ASZ1: variants seen among roughly 807,000 people sequenced by gnomAD.
The protein encoded by ASZ1 is ankyrin repeat, SAM and basic leucine zipper domain containing 1.
ASZ1 carries 67 observed loss-of-function variants against 61.8 expected under a neutral mutation model. That is an observed-to-expected ratio of 1.08 (90% CI 0.89 to 1.33). ASZ1 has a LOEUF of 1.33. Ranked by LOEUF, ASZ1 falls within the 40% of genes most tolerant of loss-of-function variation. ASZ1 has a pLI of 0.00. For missense variants in ASZ1, 577 were observed against 554.5 expected, an observed-to-expected ratio of 1.04 and a Z score of -0.41; for synonymous variants, 193 against 192.7, an observed-to-expected ratio of 1.00 and a Z score of -0.01.
At chr7:117,364,439 G>C (rs1237056605) in intron 12 of ASZ1, among the ~76,000 whole-genome samples, 1 of 151,866 alleles carries the variant, frequency 6.6e-6, no homozygotes, top group Non-Finnish European at 1.5e-5. Context: ...GAGAGAGAGA[G>C]AGAGAAGGGG....
At chr7:117,426,715 G>A (rs944275167) in intron 2 of ASZ1, 121 bp downstream of exon 2, 1 of 895,476 alleles carries the variant, frequency 1.1e-6, no homozygotes, top group Non-Finnish European at 1.7e-6. Flanking sequence ...AGATTATGCA[G>A]GATGATACAT....
At chr7:117,368,564 T>C in intron 11 of ASZ1, 48 bp downstream of exon 11, 1 of 1,589,604 alleles carries the variant, frequency 6.3e-7, no homozygotes, top group South Asian at 1.2e-5. Context: ...ATCTGGAATG[T>C]TCTTCAGTGT....
At position 117,388,325 on chromosome 7, in the gene ASZ1, T is replaced by G. The variant is rs1053701506; in HGVS notation, c.441-2516A>C. On this transcript the variant is annotated intron_variant, in intron 4 of 12. Transcript: ENST00000284629. Reference sequence around the variant, plus strand: ...TCATTCTATGAAGCAAAATTACTCTTATACCAAAACCAGAGGGTGCCATTA... The same window carrying G: ...TCATTCTATGAAGCAAAATTACTCTGATACCAAAACCAGAGGGTGCCATTA... Among the ~76,000 whole-genome samples, 3 of 152,116 alleles carry G rather than the reference T, an allele frequency of 2.0e-5. No individual in the cohort carries two copies. The East Asian group carries it at 5.8e-4, about 29-fold the overall frequency.
intron 4 of ASZ1, among the ~76,000 whole-genome samples, chr7:117,396,896 T>A (rs1295432224): frequency 6.6e-6 from 1 of 152,014 alleles, no homozygotes. Context: ...AGCCTAACAC[T>A]TTTTTTGGAA....
intron 10 of ASZ1, among the ~76,000 whole-genome samples, chr7:117,375,678 C>A (rs1584719444): frequency 6.6e-6 from 1 of 151,988 alleles, no homozygotes; most frequent in South Asian, 2.1e-4. Flanking sequence ...ACAGAAAAAT[C>A]TCCAAACATG....
chr7:117,391,530 C>T (rs1047448624), intron 4 of ASZ1, among the ~76,000 whole-genome samples: 4 of 152,094 alleles, frequency 2.6e-5, no homozygotes, highest in African/African-American at 7.2e-5. Context: ...TGTGGGTATC[C>T]GGTTTTCCCA....
At chr7:117,385,556 C>CT (rs2116474596) in intron 5 of ASZ1, 142 bp downstream of exon 5, 1 of 700,678 alleles carries the variant, frequency 1.4e-6, no homozygotes, top group Non-Finnish European at 2.4e-6. Flanking sequence ...TCACCATACC[C>CT]TTCTATTTCA....
At chr7:117,418,952 C>A (rs1425442266) in intron 4 of ASZ1, among the ~76,000 whole-genome samples, 3 of 152,054 alleles carry the variant, frequency 2.0e-5, no homozygotes, top group African/African-American at 7.2e-5. Flanking sequence ...CAGAGCAAGA[C>A]CCTGTCTTAA....
At chr7:117,384,248 A>G (rs1257690236) in intron 6 of ASZ1, among the ~76,000 whole-genome samples, 1 of 152,120 alleles carries the variant, frequency 6.6e-6, no homozygotes, top group Non-Finnish European at 1.5e-5. Context: ...CAGATTATAC[A>G]TCCAGGTATA....
At chr7:117,388,839 C>A (rs1004337562) in intron 4 of ASZ1, among the ~76,000 whole-genome samples, 1 of 151,998 alleles carries the variant, frequency 6.6e-6, no homozygotes, top group Non-Finnish European at 1.5e-5. Flanking sequence ...GGAAAAAAAG[C>A]AAAATTGTCT....
At chr7:117,421,058 A>T (rs1459725259) in intron 3 of ASZ1, among the ~76,000 whole-genome samples, 1 of 152,186 alleles carries the variant, frequency 6.6e-6, no homozygotes, top group East Asian at 1.9e-4. Context: ...CACATAAAAA[A>T]CTCATGTGTA....
At chr7:117,420,340 C>A in intron 3 of ASZ1, 66 bp from the exon 4 acceptor site, 9 of 1,112,928 alleles carry the variant, frequency 8.1e-6, no homozygotes, top group Non-Finnish European at 1.2e-5. Context: ...ATGTCTTTAC[C>A]ACTCAAAACA....
At chr7:117,399,826 T>G (rs1006157343) in intron 4 of ASZ1, among the ~76,000 whole-genome samples, 1 of 152,066 alleles carries the variant, frequency 6.6e-6, no homozygotes, top group African/African-American at 2.4e-5. Flanking sequence ...AACCATTGAA[T>G]TCTACACTTT....
rs758604779 is a variant in ASZ1, at chr7:117,381,087, G to T, written c.889-20C>A. ...CCTTTCCTGTATAAAAGGAAAAAAA[G>T]GCCACCTTTCCATATAATTAAAATA... On this transcript the variant is annotated intron_variant, in intron 8 of 12. Transcript: ENST00000284629. The T allele has an allele frequency of 4.6e-6, 7 of 1,531,864 alleles. No homozygotes were observed. Among genetic ancestry groups the T allele is most frequent in the Non-Finnish European group, 5.3e-6 (6 of 1,131,080 alleles). The allele number at this position is 1,531,864 out of a possible 1,614,324, so 94.9% of individuals were successfully genotyped here. A position where few individuals can be genotyped will look rare whatever the true frequency, so the allele number is the denominator to read the frequency against.
At chr7:117,363,823 TATC>T (rs1795877815) in intron 12 of ASZ1, 75 bp from the exon 13 acceptor site, 8 of 1,159,422 alleles carry the variant, frequency 6.9e-6, no homozygotes, top group East Asian at 2.9e-5. Context: ...TTTTAAAAAA[TATC>T]ATAATATCCA....
intron 5 of ASZ1, 53 bp from the exon 6 acceptor site, chr7:117,384,913 C>A: frequency 4.1e-6 from 6 of 1,452,728 alleles, no homozygotes; most frequent in East Asian, 2.5e-5. Context: ...GTATATGAGA[C>A]AGACAGGAAA....
intron 4 of ASZ1, among the ~76,000 whole-genome samples, chr7:117,416,043 T>C (rs1272347155): frequency 6.6e-6 from 1 of 151,964 alleles, no homozygotes; most frequent in Non-Finnish European, 1.5e-5. Context: ...ATACCAAAAT[T>C]AGCTAGGAGT....
At chr7:117,399,856 T>C (rs1290970798) in intron 4 of ASZ1, among the ~76,000 whole-genome samples, 1 of 152,202 alleles carries the variant, frequency 6.6e-6, no homozygotes, top group Non-Finnish European at 1.5e-5. Flanking sequence ...AATATGTAAT[T>C]GTATTTCAAT....
intron 10 of ASZ1, among the ~76,000 whole-genome samples, chr7:117,374,815 T>C (rs1796108346): frequency 6.6e-6 from 1 of 152,014 alleles, no homozygotes; most frequent in South Asian, 2.1e-4. Context: ...AAAAATTTGG[T>C]TTGTCCTCTG....
Sources: allele counts gnomAD v4.1 joint callset (sites outside exome capture counted in the v4.1 genomes callset), GRCh38; gene constraint gnomAD v4.1.1; transcripts MANE v1.5; gene names NCBI Gene and HGNC (gene_info 2026-07-23, HGNC 2026-07-21).